The following ADAMTS16 variants were observed in gnomAD, a reference collection of about 807,000 sequenced individuals.
ADAMTS16 encodes A disintegrin and metalloproteinase with thrombospondin motifs 16.
Under a neutral mutation model 145.8 loss-of-function variants are expected in ADAMTS16, and 94 were observed. That is an observed-to-expected ratio of 0.64 (90% CI 0.55 to 0.77). The LOEUF (loss-of-function observed/expected upper bound fraction) is 0.77, where lower values mean the gene tolerates loss of function less well. ADAMTS16 is among the 30% of genes least tolerant of loss of function. The pLI, the probability that ADAMTS16 is intolerant of heterozygous loss-of-function variation, is 0.00. For synonymous variants in ADAMTS16, 659 were observed against 604.3 expected, an observed-to-expected ratio of 1.09 and a Z score of -1.33; for missense variants, 1,585 against 1,591.5, an observed-to-expected ratio of 1.00 and a Z score of 0.07.
rs148591948 is a variant in ADAMTS16 at position 5,192,509 on chromosome 5, G to C, written c.1313+719G>C. On this transcript the variant is annotated intron_variant, in intron 8 of 22. Transcript: ENST00000274181. ...TATTTTTCATTGGTACTCCAAGCAA[G>C]AGTTTGGAAGAGTGGGTACTGACAA... 4.0e-3 allele frequency among the ~76,000 whole-genome samples: 604 copies of C among 152,276 alleles called. 2 individuals are homozygous for C. The Middle Eastern group carries it at 0.041, about 10-fold the overall frequency.
intron 3 of ADAMTS16, among the ~76,000 whole-genome samples, chr5:5,178,625 A>C (rs1397351910): frequency 6.6e-6 from 1 of 152,188 alleles, no homozygotes; most frequent in Non-Finnish European, 1.5e-5. Flanking sequence ...TAAATACTGA[A>C]TATTGTAACT....
chr5:5,306,295 C>T (rs111379928), intron 20 of ADAMTS16, among the ~76,000 whole-genome samples: 94 of 152,276 alleles, frequency 6.2e-4, no homozygotes, highest in African/African-American at 2.1e-3. Flanking sequence ...CCTACTTATG[C>T]CCCATGATGC....
chr5:5,290,259 C>T (rs1739256971), intron 18 of ADAMTS16, among the ~76,000 whole-genome samples: 2 of 152,166 alleles, frequency 1.3e-5, no homozygotes, highest in African/African-American at 4.8e-5. Context: ...GAAGACATTT[C>T]CTAGTCAGCT....
intron 18 of ADAMTS16, among the ~76,000 whole-genome samples, chr5:5,270,094 C>T (rs56309708): frequency 0.025 from 3,843 of 152,292 alleles, 76 homozygotes; most frequent in Non-Finnish European, 0.039. Context: ...ATACAGAAGC[C>T]TCTCTGTGAA....
chr5:5,212,188 G>GGGTTTTTTTTGTTTT, intron 10 of ADAMTS16, among the ~76,000 whole-genome samples: 2 of 107,526 alleles, frequency 1.9e-5, no homozygotes, highest in Middle Eastern at 9.9e-3. Context: ...TTAGTTTCTG[G>GGGTTTTTTTTGTTTT]GGTTTTTTTT....
intron 21 of ADAMTS16, among the ~76,000 whole-genome samples, chr5:5,311,570 T>G (rs1314622511): frequency 4.2e-5 from 6 of 143,364 alleles, no homozygotes; most frequent in African/African-American, 1.6e-4. Flanking sequence ...TTTTTTGAGA[T>G]GAAGCCTTGC....
intron 17 of ADAMTS16, among the ~76,000 whole-genome samples, chr5:5,243,819 C>G (rs1737364016): frequency 6.6e-6 from 1 of 152,180 alleles, no homozygotes; most frequent in South Asian, 2.1e-4. Flanking sequence ...TCAGTGTTCT[C>G]AGCTGCTAAC....
intron 18 of ADAMTS16, 59 bp from the exon 19 acceptor site, chr5:5,303,209 G>A (rs553450559): frequency 1.4e-6 from 2 of 1,460,826 alleles, no homozygotes; most frequent in East Asian, 2.4e-5. Flanking sequence ...CAGATGTGGG[G>A]CCGCTTCTAT....
intron 17 of ADAMTS16, among the ~76,000 whole-genome samples, chr5:5,248,520 T>C (rs1208472525): frequency 6.6e-6 from 1 of 152,218 alleles, no homozygotes; most frequent in Non-Finnish European, 1.5e-5. Context: ...ATTTAGAAAA[T>C]TGGCCTGCGT....
intron 18 of ADAMTS16, among the ~76,000 whole-genome samples, chr5:5,284,967 C>A (rs1371101166): frequency 1.3e-5 from 2 of 152,108 alleles, no homozygotes; most frequent in African/African-American, 2.4e-5. Context: ...CTTTATGGAA[C>A]CAATACCAAT....
intron 17 of ADAMTS16, among the ~76,000 whole-genome samples, chr5:5,255,723 A>C (rs1159507363): frequency 6.6e-6 from 1 of 152,230 alleles, no homozygotes; most frequent in African/African-American, 2.4e-5. Flanking sequence ...AACCTGTGAT[A>C]CAGAGGAGAG....
intron 3 of ADAMTS16, among the ~76,000 whole-genome samples, chr5:5,169,237 T>G (rs149398874): frequency 6.6e-6 from 1 of 152,320 alleles, no homozygotes; most frequent in Non-Finnish European, 1.5e-5. Context: ...ATCACTATGC[T>G]CCTTCTGGCA....
In ADAMTS16 at chr5:5,239,877, C is replaced by T. The variant is rs749043144; in HGVS notation, c.2475C>T (p.Pro825=). ...ACTACAGACGGTCCTATAATGAGCC[C>T]GAGAACTTAATCGCTACTGGACCAA... ...TFDYRRSYNE[P]ENLIATGPTN... The change falls in exon 16 of 23, where the codon CCC becomes CCT. Residue 825 remains proline, a synonymous_variant. Coordinates refer to ENST00000274181, the MANE Select transcript of ADAMTS16 (RefSeq NM_139056.4). 5.0e-6 allele frequency: 8 copies of T among 1,613,972 alleles called. No homozygotes were observed. Among genetic ancestry groups the T allele is most frequent in the South Asian group, 1.1e-5 (1 of 91,058 alleles).
At chr5:5,148,249 C>T (rs547870195) in intron 3 of ADAMTS16, among the ~76,000 whole-genome samples, 1 of 152,276 alleles carries the variant, frequency 6.6e-6, no homozygotes, top group East Asian at 1.9e-4. Context: ...AGACCTCAAC[C>T]AGACTTAAGA....
chr5:5,214,108 T>A (rs978690638), intron 10 of ADAMTS16, among the ~76,000 whole-genome samples: 2 of 151,262 alleles, frequency 1.3e-5, no homozygotes, highest in African/African-American at 4.8e-5. Context: ...GCGTTCATTC[T>A]CCTTGCATGT....
intron 16 of ADAMTS16, among the ~76,000 whole-genome samples, chr5:5,240,507 T>C (rs772028424): frequency 6.6e-6 from 1 of 152,238 alleles, no homozygotes; most frequent in Non-Finnish European, 1.5e-5. Flanking sequence ...CGCATGCGAC[T>C]GTGCAGATGG....
chr5:5,177,631 A>C (rs1376931534), intron 3 of ADAMTS16, among the ~76,000 whole-genome samples: 3 of 152,240 alleles, frequency 2.0e-5, no homozygotes, highest in Non-Finnish European at 2.9e-5. Flanking sequence ...GGTTATAAGA[A>C]AATAAAAAGC....
chr5:5,208,168 C>T (rs910950090), intron 9 of ADAMTS16, among the ~76,000 whole-genome samples: 28 of 152,202 alleles, frequency 1.8e-4, no homozygotes, highest in African/African-American at 5.3e-4. Flanking sequence ...TTTTTATGCA[C>T]GGAGTCCTGA....
intron 3 of ADAMTS16, among the ~76,000 whole-genome samples, chr5:5,169,408 GCA>G (rs1266774074): frequency 6.6e-6 from 1 of 152,178 alleles, no homozygotes; most frequent in Non-Finnish European, 1.5e-5. Flanking sequence ...TCATTGCCCA[GCA>G]CACTCAGTCT....
Sources: gnomAD v4.1 joint callset for allele counts (sites outside exome capture counted in the v4.1 genomes callset) on GRCh38, gnomAD v4.1.1 for gene constraint, MANE v1.5 for transcripts, NCBI Gene and HGNC (gene_info 2026-07-23, HGNC 2026-07-21) for gene names.